ADAM9: variants seen among roughly 807,000 people sequenced by gnomAD.
The protein encoded by ADAM9 is ADAM metallopeptidase domain 9.
Under a neutral mutation model 108.1 loss-of-function variants are expected in ADAM9, and 54 were observed. The ratio of observed to expected loss-of-function variants is 0.50; its 90% CI spans 0.40 to 0.63. The LOEUF is 0.63. Among genes scored for constraint, ADAM9 ranks in the 20% least tolerant of loss-of-function variants. The pLI is 0.00. For missense variants in ADAM9, 830 were observed against 997.7 expected (o/e 0.83, Z 2.26); for synonymous variants, 316 against 336.0 (o/e 0.94, Z 0.65).
intron 1 of ADAM9, among the ~76,000 whole-genome samples, chr8:39,005,933 G>GT (rs1276856327): frequency 1.3e-5 from 2 of 152,326 alleles, no homozygotes; most frequent in Non-Finnish European, 2.9e-5. Flanking sequence ...CACCTGAGAT[G>GT]TTTTTTAAAG....
At chr8:39,045,568 G>GTATATATATATATATATA (rs1354034713) in intron 12 of ADAM9, among the ~76,000 whole-genome samples, 62 of 139,298 alleles carry the variant, frequency 4.5e-4, no homozygotes, top group African/African-American at 1.6e-3. Flanking sequence ...ATGTGTGTGT[G>GTATATATATATATATATA]TGTATATATA....
chr8:39,048,327 A>G (rs773909606), intron 12 of ADAM9, among the ~76,000 whole-genome samples: 6 of 152,106 alleles, frequency 3.9e-5, no homozygotes, highest in Non-Finnish European at 8.8e-5. Flanking sequence ...TGGTTGTTCC[A>G]CAGTGTGTTG....
chr8:39,023,934 T>TG (rs965240313), intron 9 of ADAM9, among the ~76,000 whole-genome samples: 33 of 152,072 alleles, frequency 2.2e-4, no homozygotes, highest in African/African-American at 6.5e-4. Flanking sequence ...GTAGCAGAGA[T>TG]GGGGTCTCAC....
intron 16 of ADAM9, among the ~76,000 whole-genome samples, chr8:39,081,039 T>A (rs1039004967): frequency 6.7e-6 from 1 of 149,474 alleles, no homozygotes; most frequent in African/African-American, 2.5e-5. Flanking sequence ...CTGCAGCCTC[T>A]GCCTCCTGGG....
chr8:39,091,588 A>G (rs1455667802), intron 20 of ADAM9, among the ~76,000 whole-genome samples: 1 of 152,060 alleles, frequency 6.6e-6, no homozygotes, highest in South Asian at 2.1e-4. Flanking sequence ...CCCAGTTTCA[A>G]ATGATTTCGT....
chr8:39,068,176 C>T (rs928256764), intron 14 of ADAM9, among the ~76,000 whole-genome samples: 2 of 152,176 alleles, frequency 1.3e-5, no homozygotes, highest in African/African-American at 4.8e-5. Context: ...CCCATAGTCC[C>T]TGGTCCAAAG....
chr8:39,071,441 T>C (rs1564348824), intron 15 of ADAM9, 38 bp downstream of exon 15: 1 of 1,457,752 alleles, frequency 6.9e-7, no homozygotes, highest in Admixed American at 1.7e-5. Context: ...TATGAAAGAT[T>C]ATAAGATCCG....
At chr8:39,004,122 G>A (rs1344056905) in intron 1 of ADAM9, among the ~76,000 whole-genome samples, 1 of 152,008 alleles carries the variant, frequency 6.6e-6, no homozygotes, top group Non-Finnish European at 1.5e-5. Context: ...TCTCTGTTAT[G>A]TTTGGTTCTG....
chr8:39,028,134 C>G (rs1836982810), intron 11 of ADAM9, among the ~76,000 whole-genome samples: 1 of 152,090 alleles, frequency 6.6e-6, no homozygotes, highest in African/African-American at 2.4e-5. Context: ...TCCGTGGCCC[C>G]AAGTGTTCAT....
chr8:39,035,131 C>T (rs1482206428), intron 11 of ADAM9, among the ~76,000 whole-genome samples: 2 of 152,060 alleles, frequency 1.3e-5, no homozygotes, highest in Non-Finnish European at 2.9e-5. Context: ...AAATATGTTT[C>T]CTATCTTTTT....
chr8:39,022,952 A>T (rs1836794255), intron 8 of ADAM9, among the ~76,000 whole-genome samples: 1 of 152,122 alleles, frequency 6.6e-6, no homozygotes, highest in African/African-American at 2.4e-5. Flanking sequence ...ATCTCCGGTG[A>T]TCCAACTGCC....
At chr8:39,023,364 C>T (rs1564257135) in intron 9 of ADAM9, 39 bp downstream of exon 9, 2 of 1,548,410 alleles carry the variant, frequency 1.3e-6, no homozygotes, top group Admixed American at 1.8e-5. Flanking sequence ...ATGAAATAAT[C>T]AAAATAATAA....
At chr8:39,097,044 G>T (rs925748787) in intron 20 of ADAM9, among the ~76,000 whole-genome samples, 3 of 152,084 alleles carry the variant, frequency 2.0e-5, no homozygotes, top group Non-Finnish European at 4.4e-5. Flanking sequence ...AATGTGCCAT[G>T]TTTCTATTTC....
At chr8:39,001,800 T>G (rs1047676179) in intron 1 of ADAM9, among the ~76,000 whole-genome samples, 2 of 152,054 alleles carry the variant, frequency 1.3e-5, no homozygotes, top group Non-Finnish European at 2.9e-5. Context: ...CCTGAGTAGC[T>G]GGGATTACAG....
chr8:39,016,621 A>G (rs1836537640), intron 5 of ADAM9, among the ~76,000 whole-genome samples: 1 of 152,238 alleles, frequency 6.6e-6, no homozygotes, highest in Admixed American at 6.5e-5. Context: ...TTAAGTTATT[A>G]TAGTATTAAC....
intron 18 of ADAM9, among the ~76,000 whole-genome samples, chr8:39,088,290 G>A (rs1000690506): frequency 6.0e-5 from 9 of 150,946 alleles, no homozygotes. Context: ...TTTTGAGATG[G>A]AGTCTCGCTC....
intron 1 of ADAM9, among the ~76,000 whole-genome samples, chr8:38,998,055 T>C (rs1338639926): frequency 6.6e-6 from 1 of 152,232 alleles, no homozygotes; most frequent in East Asian, 1.9e-4. Flanking sequence ...ATTGTTTGCA[T>C]GGCTGTATTT....
At chr8:39,022,298 C>G (rs1234696071) in intron 8 of ADAM9, among the ~76,000 whole-genome samples, 5 of 152,120 alleles carry the variant, frequency 3.3e-5, no homozygotes, top group Non-Finnish European at 7.3e-5. Flanking sequence ...GAGCTAAGTG[C>G]TTTACATTTA....
chr8:39,084,715 G>A (rs1474300586), intron 18 of ADAM9, among the ~76,000 whole-genome samples: 1 of 151,912 alleles, frequency 6.6e-6, no homozygotes, highest in African/African-American at 2.4e-5. Context: ...GTTCATGTCA[G>A]TTAATAGGTA....
Sources: gnomAD v4.1 joint callset for allele counts (sites outside exome capture counted in the v4.1 genomes callset) on GRCh38, gnomAD v4.1.1 for gene constraint, MANE v1.5 for transcripts, NCBI Gene and HGNC (gene_info 2026-07-23, HGNC 2026-07-21) for gene names.